Variants in ATG2B observed in about 807,000 individuals in gnomAD.
The protein encoded by ATG2B is autophagy related 2B.
In ATG2B, 121 loss-of-function variants were observed where a neutral mutation model predicts 241.3. The observed-to-expected ratio is 0.50, with a 90% confidence interval of 0.43 to 0.58. ATG2B has a LOEUF of 0.58. Ranked by LOEUF, ATG2B falls within the 20% of genes least tolerant of loss-of-function variation. The pLI is 0.00. For missense variants in ATG2B, 2,306 were observed against 2,491.6 expected (o/e 0.93, Z 1.59); for synonymous variants, 858 against 876.6 (o/e 0.98, Z 0.37).
intron 23 of ATG2B, 62 bp from the exon 24 acceptor site, chr14:96,313,497 C>A (rs377748290): frequency 6.6e-6 from 5 of 760,854 alleles, no homozygotes; most frequent in South Asian, 4.8e-5. Context: ...CATATAATAT[C>A]CTTAATACCA....
At chr14:96,310,382 A>G (rs1887117139) in intron 28 of ATG2B, among the ~76,000 whole-genome samples, 1 of 152,212 alleles carries the variant, frequency 6.6e-6, no homozygotes, top group Non-Finnish European at 1.5e-5. Context: ...TACATAACAG[A>G]GGCTCTAGAA....
intron 15 of ATG2B, among the ~76,000 whole-genome samples, chr14:96,324,370 TA>T (rs1339369706): frequency 2.0e-5 from 3 of 152,118 alleles, no homozygotes. Flanking sequence ...CCAAACACTG[TA>T]AGAAACACCT....
Position 96,328,769 on chromosome 14 carries a change from TAAAA to T in ATG2B, c.1882-7_1882-4del, listed in dbSNP as rs1337467839. Reference sequence around the variant, plus strand: ...TCTTTGGAATGGAACGTTAAAAGCTTAAAAGTAAAGATGAAGATAAATTAAATGT... The same window carrying T: ...TCTTTGGAATGGAACGTTAAAAGCTTGTAAAGATGAAGATAAATTAAATGT... On this transcript the variant is annotated splice_polypyrimidine_tract_variant and splice_region_variant and intron_variant, in intron 12 of 41. Coordinates refer to ENST00000359933, the MANE Select transcript of ATG2B (RefSeq NM_018036.7). 6.3e-7 allele frequency: 1 copy of T among 1,598,176 alleles called. No individual in the cohort carries two copies.
chr14:96,290,298 C>G lies in ATG2B; in HGVS notation c.5856+138G>C, dbSNP rs1192928621. ...CTAAACATTTAAGCAATAAAACAAG[C>G]ATGACATTAAATCACTACGAATAAA... On this transcript the variant is annotated intron_variant, in intron 40 of 41. Transcript: ENST00000359933. The surrounding 1 kb of genome is among the most constrained non-coding windows in gnomAD (Gnocchi z 4.4). The G allele has an allele frequency of 1.6e-6, 2 of 1,289,718 alleles. No individual in the cohort carries two copies. Among genetic ancestry groups the G allele is most frequent in the Admixed American group, 2.5e-5 (1 of 39,442 alleles). The allele number at this position is 1,289,718 out of a possible 1,614,324, so 79.9% of individuals were successfully genotyped here.
At position 96,279,557 on chromosome 14, in the gene ATG2B, C is replaced by A. The variant is rs1886141634; in HGVS notation, c.*6198G>T. 1 of 152,100 alleles carries A rather than the reference C, an allele frequency of 6.6e-6. No homozygotes were observed. The highest frequency in any genetic ancestry group is 6.5e-5 in the Admixed American group (1 of 15,272). 9.4% of individuals were successfully genotyped at this position (152,100 alleles called of 1,614,324 possible). ...GATCTACAGTATGCGGGGAGTGCCG[C>A]AAAGTTTAACAAACAAAAAAAAGGA... On this transcript the variant is annotated 3_prime_UTR_variant, in exon 42 of 42. Transcript: ENST00000359933.
chr14:96,314,083 T>A (rs1887237574), intron 23 of ATG2B, among the ~76,000 whole-genome samples: 1 of 152,158 alleles, frequency 6.6e-6, no homozygotes, highest in Non-Finnish European at 1.5e-5. Flanking sequence ...AATAAGGAGG[T>A]TCTGCTAAAT....
At chr14:96,313,011 A>G (rs1887202698) in intron 25 of ATG2B, 54 bp downstream of exon 25, 1 of 1,105,058 alleles carries the variant, frequency 9.0e-7, no homozygotes, top group East Asian at 2.4e-5. Flanking sequence ...GTAAATATCA[A>G]TTGGTATGTT....
chr14:96,318,357 A>C (rs1312913194), intron 18 of ATG2B: 2 of 152,244 alleles, frequency 1.3e-5, no homozygotes, highest in Non-Finnish European at 2.9e-5. Context: ...AAACTGTCTC[A>C]TAAAGGTTAT....
intron 34 of ATG2B, among the ~76,000 whole-genome samples, chr14:96,297,947 A>G (rs543115595): frequency 1.3e-5 from 2 of 151,950 alleles, no homozygotes; most frequent in Non-Finnish European, 2.9e-5. Flanking sequence ...AGGCACCACC[A>G]TGCCTGGCTA....
intron 1 of ATG2B, among the ~76,000 whole-genome samples, chr14:96,350,033 G>A (rs1273130698): frequency 1.3e-5 from 2 of 152,134 alleles, no homozygotes; most frequent in South Asian, 2.1e-4. Context: ...GCACATACCC[G>A]TAATCCCAGC....
rs1321165306 is a variant in ATG2B at position 96,289,468 on chromosome 14, G to C, written c.6006+188C>G. On this transcript the variant is annotated intron_variant, in intron 41 of 41. Coordinates refer to ENST00000359933, the MANE Select transcript of ATG2B (RefSeq NM_018036.7). This position sits in a 1 kb window ranked among gnomAD's most constrained non-coding sequence, Gnocchi z 4.3. ...CACGCAATCACTAGTATTCCTGTCA[G>C]CCTATTGGTCCCAGACTGGCCCTTT... 4.9e-6 allele frequency: 3 copies of C among 609,746 alleles called. No individual in the cohort carries two copies. In the African/African-American group the frequency reaches 5.5e-5, roughly 11 times the overall value. 37.8% of individuals were successfully genotyped at this position (609,746 alleles called of 1,614,324 possible).
At position 96,313,105 on chromosome 14, in the gene ATG2B, A is replaced by C; in HGVS notation, c.3802T>G (p.Ser1268Ala). Residue 1268 changes from serine (S) to alanine (A), a missense_variant, in exon 25 of 42, where the codon TCC (serine) becomes GCC (alanine). Ser to Ala is a moderately conservative substitution (Grantham distance 99, BLOSUM62 1). Around this residue, in one of 2 missense-constraint regions of ATG2B, gnomAD observed 1,927 missense variants for 2,011.2 expected, o/e 0.96. Transcript: ENST00000359933. Reference protein sequence around the residue: ...SLLTVETFSVSSSVALDKSSS... With the variant: ...SLLTVETFSVASSVALDKSSS... Reference sequence around the variant, plus strand: ...GATTTATCCAATGCAACGCTACTGGAAACACTGAATGTTTCCACGGTAAGA... The same window carrying C: ...GATTTATCCAATGCAACGCTACTGGCAACACTGAATGTTTCCACGGTAAGA... The C allele has an allele frequency of 6.2e-7, 1 of 1,613,720 alleles. No homozygotes were observed. The highest frequency in any genetic ancestry group is 8.5e-7 in the Non-Finnish European group (1 of 1,179,764).
Position 96,281,480 on chromosome 14 carries a change from A to G in ATG2B, c.*4275T>C, listed in dbSNP as rs1490935894. 6.6e-6 allele frequency: 1 copy of G among 152,216 alleles called. No individual in the cohort carries two copies. The allele number at this position is 152,216 out of a possible 1,614,324, so 9.4% of individuals were successfully genotyped here. A position where few individuals can be genotyped will look rare whatever the true frequency, so the allele number is the denominator to read the frequency against. On this transcript the variant is annotated 3_prime_UTR_variant, in exon 42 of 42. Coordinates refer to ENST00000359933, the MANE Select transcript of ATG2B (RefSeq NM_018036.7). Reference sequence around the variant, plus strand: ...TGGTGAGATAAATTCAATGTCTAAAATAAGTCAGGATGGATCAACATAAAA... The same window carrying G: ...TGGTGAGATAAATTCAATGTCTAAAGTAAGTCAGGATGGATCAACATAAAA...
At position 96,290,482 on chromosome 14, in the gene ATG2B, G is replaced by A. The variant is rs750537439; in HGVS notation, c.5810C>T (p.Ala1937Val). ...GTTTGTGAGTTCTAGAGCAGCCATC[G>A]CTGTCGAGGTACCAAAGGAAGCAGC... ...RGAASFGTST[A>V]MAALELTNRM... is the part of the protein sequence containing the mutation. Residue 1937 changes from alanine (A) to valine (V), a missense_variant, in exon 40 of 42, where the codon GCG becomes GTG. Ala to Val is a moderately conservative substitution (Grantham distance 64). This residue lies in a region of ATG2B where 379 missense variants were observed against 480.4 expected (regional missense o/e 0.79). Coordinates refer to ENST00000359933, the MANE Select transcript of ATG2B (RefSeq NM_018036.7). The surrounding 1 kb of genome is among the most constrained non-coding windows in gnomAD (Gnocchi z 4.4). The A allele has an allele frequency of 9.3e-6, 15 of 1,614,052 alleles. No individual in the cohort carries two copies. Among genetic ancestry groups the A allele is most frequent in the African/African-American group, 4.0e-5 (3 of 74,920 alleles).
intron 1 of ATG2B, among the ~76,000 whole-genome samples, chr14:96,362,381 C>T (rs1392123335): frequency 1.3e-5 from 2 of 152,132 alleles, no homozygotes; most frequent in East Asian, 3.9e-4. Flanking sequence ...GCAGCCAACC[C>T]AAAACAAATA....
chr14:96,342,716 C>A (rs1888072556), intron 5 of ATG2B, among the ~76,000 whole-genome samples: 1 of 96,152 alleles, frequency 1.0e-5, no homozygotes. Context: ...GAGACTCTCT[C>A]CAAAAAAAAA....
intron 35 of ATG2B, 57 bp from the exon 36 acceptor site, chr14:96,295,224 T>G: frequency 7.3e-7 from 1 of 1,372,674 alleles, no homozygotes; most frequent in Non-Finnish European, 1.0e-6. Context: ...TAGCAAACAT[T>G]TAAATCAATC....
chr14:96,363,060 G>T lies in ATG2B; in HGVS notation c.-84C>A. On this transcript the variant is annotated 5_prime_UTR_variant, in exon 1 of 42. Transcript: ENST00000359933. ...GGTAGCGACTCCGGCTCCAGGCCGCGGCGGGGCCTAAGCCTGGGGCGGCCC... is the reference window on the plus strand; with the variant it reads ...GGTAGCGACTCCGGCTCCAGGCCGCTGCGGGGCCTAAGCCTGGGGCGGCCC... 6.5e-7 allele frequency: 1 copy of T among 1,530,684 alleles called. No homozygotes were observed. Among genetic ancestry groups the T allele is most frequent in the Non-Finnish European group, 9.0e-7 (1 of 1,111,200 alleles). The allele number at this position is 1,530,684 out of a possible 1,614,324, so 94.8% of individuals were successfully genotyped here.
intron 23 of ATG2B, among the ~76,000 whole-genome samples, chr14:96,313,951 C>T (rs1293878478): frequency 2.0e-5 from 3 of 152,092 alleles, no homozygotes; most frequent in African/African-American, 4.8e-5. Context: ...TGTGCAGGGG[C>T]GATTGGTTTT....
Sources: allele counts gnomAD v4.1 joint callset (sites outside exome capture counted in the v4.1 genomes callset), GRCh38; gene constraint gnomAD v4.1.1; regional missense constraint gnomAD v4.1.1; non-coding constraint Gnocchi (gnomAD v3.1); transcripts MANE v1.5; gene names NCBI Gene and HGNC (gene_info 2026-07-23, HGNC 2026-07-21).